Variants in ZC3H12B observed in about 807,000 individuals in gnomAD.
ZC3H12B encodes probable ribonuclease ZC3H12B.
Under a neutral mutation model 43.9 loss-of-function variants are expected in ZC3H12B, and 7 were observed. The observed-to-expected ratio is 0.16, with a 90% CI of 0.09 to 0.30. The LOEUF is 0.30. ZC3H12B is among the 10% of genes least tolerant of loss of function. ZC3H12B has a pLI of 1.00. For synonymous variants in ZC3H12B, 222 were observed against 241.7 expected (o/e 0.92, Z 0.76); for missense variants, 475 against 670.2 (o/e 0.71, Z 3.22).
At chrX:65,288,928 G>A in the ZC3H12B span, among the ~76,000 whole-genome samples, 2 of 111,102 alleles carry the variant, frequency 1.8e-5, no homozygotes, top group African/African-American at 3.3e-5. Flanking sequence ...ACAAATATTA[G>A]CATTTTTATA....
the ZC3H12B span, among the ~76,000 whole-genome samples, chrX:65,312,497 T>A: frequency 2.0e-5 from 2 of 101,753 alleles, no homozygotes; most frequent in Non-Finnish European, 3.8e-5. Context: ...GAAAAACCCA[T>A]CTCTTTGGAT....
At chrX:65,188,358 ATTTTTTT>A in the ZC3H12B span, among the ~76,000 whole-genome samples, 23 of 75,853 alleles carry the variant, frequency 3.0e-4, no homozygotes, top group Admixed American at 3.3e-3. Flanking sequence ...TGGTTGCTCT[ATTTTTTT>A]TTTTTTTTTT....
chrX:65,349,110 G>A, the ZC3H12B span, among the ~76,000 whole-genome samples: 58 of 111,541 alleles, frequency 5.2e-4, no homozygotes, highest in African/African-American at 1.8e-3. Flanking sequence ...AATTGACCAC[G>A]TAATTGAAAG....
the ZC3H12B span, among the ~76,000 whole-genome samples, chrX:65,212,253 A>ATATAATAAT: frequency 4.8e-4 from 23 of 47,864 alleles, no homozygotes; most frequent in African/African-American, 2.0e-3. Flanking sequence ...ATTATATAAT[A>ATATAATAAT]TATAATATAT....
At chrX:65,190,361 G>T in the ZC3H12B span, among the ~76,000 whole-genome samples, 1 of 110,846 alleles carries the variant, frequency 9.0e-6, no homozygotes, top group African/African-American at 3.3e-5. Flanking sequence ...TGATGGGGAT[G>T]GCATTGAATC....
chrX:65,100,919 C>A, the ZC3H12B span, among the ~76,000 whole-genome samples: 1 of 111,603 alleles, frequency 9.0e-6, no homozygotes. Context: ...CATAACTCTC[C>A]ACCCCAAATC....
the ZC3H12B span, among the ~76,000 whole-genome samples, chrX:65,225,174 A>T: frequency 8.9e-6 from 1 of 111,754 alleles, no homozygotes; most frequent in African/African-American, 3.3e-5. Flanking sequence ...CCTCTGAGAC[A>T]AAACTTCCAG....
At chrX:65,124,585 A>G in the ZC3H12B span, among the ~76,000 whole-genome samples, 1 of 110,762 alleles carries the variant, frequency 9.0e-6, no homozygotes, top group South Asian at 3.8e-4. Flanking sequence ...TGAATATCTC[A>G]TAGAATTCAG....
chrX:65,323,608 G>A, the ZC3H12B span, among the ~76,000 whole-genome samples: 1 of 112,235 alleles, frequency 8.9e-6, no homozygotes, highest in Non-Finnish European at 1.9e-5. Flanking sequence ...GTGCATTTGG[G>A]TTGGTTTCAA....
chrX:65,310,975 C>T, the ZC3H12B span, among the ~76,000 whole-genome samples: 1 of 112,085 alleles, frequency 8.9e-6, no homozygotes, highest in Non-Finnish European at 1.9e-5. Flanking sequence ...CCCTTCCTTA[C>T]AATTTATACA....
chrX:65,248,850 TTA>T, the ZC3H12B span, among the ~76,000 whole-genome samples: 1 of 112,125 alleles, frequency 8.9e-6, no homozygotes, highest in Non-Finnish European at 1.9e-5. Flanking sequence ...AAGCATTCTT[TTA>T]TGTTTGTTGG....
the ZC3H12B span, among the ~76,000 whole-genome samples, chrX:65,245,769 C>A: frequency 6.8e-4 from 76 of 111,230 alleles, no homozygotes; most frequent in African/African-American, 2.4e-3. Flanking sequence ...GAAGCAGTCC[C>A]CTTGAAAACG....
chrX:65,162,871 C>T, the ZC3H12B span, among the ~76,000 whole-genome samples: 2 of 112,054 alleles, frequency 1.8e-5, no homozygotes, highest in African/African-American at 6.5e-5. Context: ...AGTTTTTCTG[C>T]TCTGTTTTTT....
At chrX:65,297,139 C>T in the ZC3H12B span, among the ~76,000 whole-genome samples, 1 of 111,187 alleles carries the variant, frequency 9.0e-6, no homozygotes, top group Non-Finnish European at 1.9e-5. Flanking sequence ...TACTGGAAGT[C>T]CTAGCCAGAG....
At chrX:65,218,720 G>A in the ZC3H12B span, among the ~76,000 whole-genome samples, 1 of 111,236 alleles carries the variant, frequency 9.0e-6, no homozygotes, top group African/African-American at 3.3e-5. Flanking sequence ...CCACCTGATG[G>A]TCTTTCTCTA....
chrX:65,298,054 A>T, the ZC3H12B span, among the ~76,000 whole-genome samples: 1 of 112,347 alleles, frequency 8.9e-6, no homozygotes, highest in African/African-American at 3.2e-5. Context: ...ATTCTAGAAG[A>T]TAATATGGGA....
the ZC3H12B span, among the ~76,000 whole-genome samples, chrX:65,130,530 G>C: frequency 1.2e-5 from 1 of 85,799 alleles, no homozygotes; most frequent in Admixed American, 1.1e-4. Flanking sequence ...AGGGAAGGGA[G>C]GGGGCCTGAA....
At chrX:65,182,808 A>G in the ZC3H12B span, among the ~76,000 whole-genome samples, 1 of 112,220 alleles carries the variant, frequency 8.9e-6, no homozygotes, top group Non-Finnish European at 1.9e-5. Flanking sequence ...GCAGCCAACA[A>G]GCATATGAAA....
chrX:65,494,791 T>A (rs1322658945), intron 1 of ZC3H12B, among the ~76,000 whole-genome samples: 5 of 100,387 alleles, frequency 5.0e-5, no homozygotes, highest in Admixed American at 3.2e-4. Context: ...AAAAAATAAA[T>A]AAATAAATAA....
Sources: allele counts gnomAD v4.1 joint callset (sites outside exome capture counted in the v4.1 genomes callset), GRCh38; gene constraint gnomAD v4.1.1; transcripts MANE v1.5; gene names NCBI Gene and HGNC (gene_info 2026-07-23, HGNC 2026-07-21).